The following ZBTB16 variants were observed in gnomAD, a reference collection of about 807,000 sequenced individuals.
ZBTB16 encodes the protein zinc finger and BTB domain-containing protein 16.
ZBTB16 carries 8 observed loss-of-function variants against 56.8 expected under a neutral mutation model. The ratio of observed to expected loss-of-function variants is 0.14; its 90% confidence interval spans 0.08 to 0.25. The LOEUF (loss-of-function observed/expected upper bound fraction) is 0.25, where lower values mean the gene tolerates loss of function less well. Ranked by LOEUF, ZBTB16 falls within the 10% of genes least tolerant of loss-of-function variation. ZBTB16 has a pLI of 1.00. For synonymous variants in ZBTB16, 363 were observed against 368.5 expected (o/e 0.98, Z 0.17); for missense variants, 625 against 903.0 (o/e 0.69, Z 3.95).
At chr11:114,081,262 T>C (rs1939748021) in intron 2 of ZBTB16, among the ~76,000 whole-genome samples, 1 of 152,184 alleles carries the variant, frequency 6.6e-6, no homozygotes, top group Non-Finnish European at 1.5e-5. Context: ...CATTAACCTC[T>C]CTGCTGCTGA....
chr11:114,067,888 C>T (rs1186484754), intron 2 of ZBTB16, among the ~76,000 whole-genome samples: 2 of 152,000 alleles, frequency 1.3e-5, no homozygotes, highest in East Asian at 1.9e-4. Context: ...GCTAGATGTA[C>T]TTTGTAGAAG....
intron 2 of ZBTB16, among the ~76,000 whole-genome samples, chr11:114,094,785 C>G (rs749654858): frequency 6.6e-6 from 1 of 152,228 alleles, no homozygotes; most frequent in Admixed American, 6.5e-5. Context: ...GGTCCCTGGC[C>G]CAAGGGGCTT....
chr11:114,230,707 G>C (rs1228066891), intron 4 of ZBTB16, among the ~76,000 whole-genome samples: 2 of 148,782 alleles, frequency 1.3e-5, no homozygotes, highest in Non-Finnish European at 3.0e-5. Flanking sequence ...TTGTTATTTT[G>C]TTTTGCTTAT....
At chr11:114,217,216 AG>A (rs1481166903) in intron 4 of ZBTB16, among the ~76,000 whole-genome samples, 2 of 152,254 alleles carry the variant, frequency 1.3e-5, no homozygotes, top group African/African-American at 4.8e-5. Context: ...GGCTGTGTTT[AG>A]GAGCCTAGAT....
At chr11:114,157,403 G>T (rs2134961321) in intron 3 of ZBTB16, among the ~76,000 whole-genome samples, 1 of 152,296 alleles carries the variant, frequency 6.6e-6, no homozygotes, top group African/African-American at 2.4e-5. Flanking sequence ...ATAATTTTTT[G>T]GAGGATTAAG....
intron 2 of ZBTB16, among the ~76,000 whole-genome samples, chr11:114,151,346 G>A (rs1359371587): frequency 2.6e-5 from 4 of 152,172 alleles, no homozygotes; most frequent in Admixed American, 2.0e-4. Flanking sequence ...TGGTTCAGAG[G>A]ATGGCTCAGT....
At chr11:114,208,720 C>T (rs778068403) in intron 4 of ZBTB16, among the ~76,000 whole-genome samples, 10 of 152,172 alleles carry the variant, frequency 6.6e-5, no homozygotes, top group East Asian at 1.9e-4. Flanking sequence ...TCTCCCTGCA[C>T]GTACCACCAC....
intron 4 of ZBTB16, among the ~76,000 whole-genome samples, chr11:114,190,247 G>A (rs1481024585): frequency 1.3e-5 from 2 of 152,190 alleles, no homozygotes; most frequent in Non-Finnish European, 2.9e-5. Context: ...GGTGATGACT[G>A]CACAGCTTCG....
chr11:114,245,758 T>A (rs1200321435), intron 5 of ZBTB16, among the ~76,000 whole-genome samples: 1 of 152,102 alleles, frequency 6.6e-6, no homozygotes, highest in Admixed American at 6.5e-5. Flanking sequence ...GAAGAAAATG[T>A]ATGAAATGCA....
chr11:114,171,497 T>C (rs2135011932), intron 3 of ZBTB16, among the ~76,000 whole-genome samples: 1 of 152,322 alleles, frequency 6.6e-6, no homozygotes, highest in East Asian at 1.9e-4. Context: ...GCCTCACCTC[T>C]GGCCTGCTGC....
chr11:114,159,112 CTCATG>C (rs1358786135), intron 3 of ZBTB16, among the ~76,000 whole-genome samples: 1 of 152,256 alleles, frequency 6.6e-6, no homozygotes, highest in African/African-American at 2.4e-5. Flanking sequence ...TGCTTGCATA[CTCATG>C]TCAGGTGGGC....
At chr11:114,148,360 C>G (rs1419653919) in intron 2 of ZBTB16, among the ~76,000 whole-genome samples, 11 of 141,316 alleles carry the variant, frequency 7.8e-5, no homozygotes, top group African/African-American at 3.0e-4. Flanking sequence ...TTCCTTCCTT[C>G]CTTCCTTCCT....
At chr11:114,185,333 A>G (rs893587109) in intron 3 of ZBTB16, among the ~76,000 whole-genome samples, 1 of 152,216 alleles carries the variant, frequency 6.6e-6, no homozygotes, top group Non-Finnish European at 1.5e-5. Flanking sequence ...GTGGCCTTGA[A>G]AATGAAGTGG....
At chr11:114,195,170 GTTAA>G (rs1943576610) in intron 4 of ZBTB16, among the ~76,000 whole-genome samples, 1 of 152,222 alleles carries the variant, frequency 6.6e-6, no homozygotes, top group Non-Finnish European at 1.5e-5. Flanking sequence ...ATCCGGTGGT[GTTAA>G]TTAGAGGGCA....
chr11:114,063,672 C>A lies in ZBTB16; in HGVS notation c.372C>A (p.Thr124=). Residue 124 remains threonine, a synonymous_variant, in exon 2 of 7, where the codon ACC becomes ACA. Coordinates refer to ENST00000335953, the MANE Select transcript of ZBTB16 (RefSeq NM_006006.6). The surrounding 1 kb of genome is among the most constrained non-coding windows in gnomAD (Gnocchi z 6.5). ...AACAGTGCCTGAAGATGCTGGAGAC[C>A]ATCCAGGCCTCAGACGACAATGACA... The part of the protein sequence containing the change: ...LEEQCLKMLE[T]IQASDDNDTE... The A allele has an allele frequency of 6.2e-7, 1 of 1,614,064 alleles. No individual in the cohort carries two copies. Among genetic ancestry groups the A allele is most frequent in the Non-Finnish European group, 8.5e-7 (1 of 1,180,026 alleles).
intron 2 of ZBTB16, among the ~76,000 whole-genome samples, chr11:114,086,041 C>T (rs1470383523): frequency 6.6e-6 from 1 of 152,132 alleles, no homozygotes; most frequent in Non-Finnish European, 1.5e-5. Flanking sequence ...GCCTTGCAGA[C>T]AGCCTGGCTT....
intron 4 of ZBTB16, among the ~76,000 whole-genome samples, chr11:114,197,760 GC>G (rs1943642239): frequency 6.6e-6 from 1 of 151,930 alleles, no homozygotes; most frequent in Admixed American, 6.6e-5. Flanking sequence ...TCGCTCTGTC[GC>G]CCAGGCTGGA....
At chr11:114,093,230 T>C (rs1940255728) in intron 2 of ZBTB16, among the ~76,000 whole-genome samples, 1 of 152,056 alleles carries the variant, frequency 6.6e-6, no homozygotes, top group African/African-American at 2.4e-5. Context: ...AGTTTGGCAG[T>C]GGCACAGAAT....
At position 114,141,755 on chromosome 11, in the gene ZBTB16, C is replaced by A. The variant is rs531341839; in HGVS notation, c.1269-14582C>A. ...TAGTGGTATCAGGCTCTGCCACTTA[C>A]AAGCTTAACGACCCTGGGTGAGTTG... On this transcript the variant is annotated intron_variant, in intron 2 of 6. Transcript: ENST00000335953. 2.0e-5 allele frequency among the ~76,000 whole-genome samples: 3 copies of A among 152,324 alleles called. No homozygotes were observed. The South Asian group carries it at 6.2e-4, about 32-fold the overall frequency.
Sources: allele counts gnomAD v4.1 joint callset (sites outside exome capture counted in the v4.1 genomes callset), GRCh38; gene constraint gnomAD v4.1.1; non-coding constraint Gnocchi (gnomAD v3.1); transcripts MANE v1.5; gene names NCBI Gene and HGNC (gene_info 2026-07-23, HGNC 2026-07-21).